Variants in ERBB4 observed in about 807,000 individuals in gnomAD.
ERBB4 encodes the protein receptor tyrosine-protein kinase erbB-4.
ERBB4 carries 42 observed loss-of-function variants against 158.0 expected under a neutral mutation model. The observed-to-expected ratio is 0.27, with a 90% confidence interval of 0.21 to 0.34. The LOEUF (loss-of-function observed/expected upper bound fraction) is 0.34, where lower values mean the gene tolerates loss of function less well. Among genes scored for constraint, ERBB4 ranks in the 10% least tolerant of loss-of-function variants. The pLI is 1.00. For missense variants in ERBB4, 1,333 were observed against 1,624.1 expected (o/e 0.82, Z 3.08); for synonymous variants, 583 against 558.7 (o/e 1.04, Z -0.61).
intron 20 of ERBB4, among the ~76,000 whole-genome samples, chr2:211,448,713 G>GTTTTA (rs1476666786): frequency 5.3e-5 from 8 of 152,000 alleles, no homozygotes; most frequent in African/African-American, 1.7e-4. Context: ...TTAAGATTAA[G>GTTTTA]CCCAAGAATA....
chr2:211,982,481 C>T (rs1264139388), intron 2 of ERBB4, among the ~76,000 whole-genome samples: 2 of 152,148 alleles, frequency 1.3e-5, no homozygotes, highest in African/African-American at 4.8e-5. Context: ...GTTTGGGAGT[C>T]AAATTCCAGA....
At chr2:211,867,956 A>G (rs2078250126) in intron 3 of ERBB4, among the ~76,000 whole-genome samples, 1 of 152,190 alleles carries the variant, frequency 6.6e-6, no homozygotes, top group Non-Finnish European at 1.5e-5. Flanking sequence ...CTTTTCAATG[A>G]AAAGCATCTT....
chr2:212,421,852 T>C (rs543836302), intron 1 of ERBB4, among the ~76,000 whole-genome samples: 1 of 152,294 alleles, frequency 6.6e-6, no homozygotes, highest in South Asian at 2.1e-4. Context: ...ATTCAACCAC[T>C]AAAGTGAATC....
intron 2 of ERBB4, among the ~76,000 whole-genome samples, chr2:211,962,228 A>T (rs1426137317): frequency 6.6e-6 from 1 of 151,312 alleles, no homozygotes; most frequent in Non-Finnish European, 1.5e-5. Context: ...AAGAAAAGAC[A>T]TAAAAATGTC....
intron 20 of ERBB4, among the ~76,000 whole-genome samples, chr2:211,554,710 C>T (rs2125708222): frequency 6.6e-6 from 1 of 152,284 alleles, no homozygotes; most frequent in East Asian, 1.9e-4. Context: ...AACCCAAGTG[C>T]AAATAAAGGT....
chr2:212,232,143 CTGT>C (rs1277074073), intron 1 of ERBB4, among the ~76,000 whole-genome samples: 3 of 151,942 alleles, frequency 2.0e-5, no homozygotes, highest in Non-Finnish European at 2.9e-5. Context: ...TTCTCAAGGG[CTGT>C]TATTATAATA....
chr2:212,294,223 G>GA (rs2086326545), intron 1 of ERBB4, among the ~76,000 whole-genome samples: 1 of 151,918 alleles, frequency 6.6e-6, no homozygotes, highest in Non-Finnish European at 1.5e-5. Context: ...CATTCCAATG[G>GA]AAAAACTATG....
chr2:212,334,289 T>C (rs1345033984), intron 1 of ERBB4, among the ~76,000 whole-genome samples: 1 of 152,050 alleles, frequency 6.6e-6, no homozygotes, highest in Non-Finnish European at 1.5e-5. Flanking sequence ...TCAATTTACT[T>C]ACAGGGAATA....
At chr2:211,667,144 C>T (rs1005208645) in intron 14 of ERBB4, among the ~76,000 whole-genome samples, 19 of 149,214 alleles carry the variant, frequency 1.3e-4, no homozygotes, top group Admixed American at 8.0e-4. Flanking sequence ...AGAAAGTTTA[C>T]GAATTTGTGG....
chr2:211,670,965 G>C (rs1311847129), intron 14 of ERBB4, among the ~76,000 whole-genome samples: 3 of 152,010 alleles, frequency 2.0e-5, no homozygotes, highest in South Asian at 4.2e-4. Flanking sequence ...TGCTACAGAT[G>C]GTAAGCGAAC....
At chr2:211,578,580 A>G (rs1294465796) in intron 19 of ERBB4, among the ~76,000 whole-genome samples, 1 of 152,236 alleles carries the variant, frequency 6.6e-6, no homozygotes, top group Non-Finnish European at 1.5e-5. Context: ...TAACCAAAAC[A>G]GTATAGTACT....
intron 2 of ERBB4, among the ~76,000 whole-genome samples, chr2:211,972,374 G>A (rs1447927707): frequency 4.6e-5 from 7 of 152,130 alleles, no homozygotes; most frequent in African/African-American, 1.4e-4. Flanking sequence ...AACTACCATT[G>A]ACATTCTTCA....
intron 2 of ERBB4, among the ~76,000 whole-genome samples, chr2:211,999,484 C>T (rs1305479785): frequency 6.6e-6 from 1 of 151,810 alleles, no homozygotes; most frequent in Non-Finnish European, 1.5e-5. Context: ...ATAGTTCAGA[C>T]TCTGGAGCTA....
intron 20 of ERBB4, among the ~76,000 whole-genome samples, chr2:211,466,365 A>G (rs1380712354): frequency 6.7e-6 from 1 of 148,244 alleles, no homozygotes; most frequent in East Asian, 2.0e-4. Context: ...AAAAAAAAGG[A>G]ACACATTCAA....
intron 2 of ERBB4, among the ~76,000 whole-genome samples, chr2:212,040,581 G>A (rs1200586846): frequency 6.6e-6 from 1 of 152,044 alleles, no homozygotes; most frequent in Admixed American, 6.6e-5. Context: ...GAGTAGTAGG[G>A]CATCACTATT....
chr2:212,140,795 A>G (rs2080437031), intron 1 of ERBB4, among the ~76,000 whole-genome samples: 1 of 151,322 alleles, frequency 6.6e-6, no homozygotes, highest in Non-Finnish European at 1.5e-5. Flanking sequence ...AAGTTGCTCT[A>G]TAAAGTTCAA....
intron 1 of ERBB4, among the ~76,000 whole-genome samples, chr2:212,147,290 T>G (rs1003112146): frequency 4.0e-5 from 6 of 149,300 alleles, no homozygotes; most frequent in African/African-American, 1.5e-4. Context: ...CAGGCGTGAG[T>G]CATGGTGCCC....
chr2:212,059,819 G>C (rs2077703713), intron 2 of ERBB4, among the ~76,000 whole-genome samples: 1 of 152,130 alleles, frequency 6.6e-6, no homozygotes, highest in Non-Finnish European at 1.5e-5. Context: ...TTAAACATTA[G>C]ATCTAAAACC....
At chr2:211,538,315 T>C (rs751100720) in intron 20 of ERBB4, among the ~76,000 whole-genome samples, 3 of 151,990 alleles carry the variant, frequency 2.0e-5, no homozygotes, top group East Asian at 3.9e-4. Flanking sequence ...TTCTATGTTA[T>C]ACACGAATTT....
Sources: allele counts gnomAD v4.1 joint callset (sites outside exome capture counted in the v4.1 genomes callset), GRCh38; gene constraint gnomAD v4.1.1; transcripts MANE v1.5; gene names NCBI Gene and HGNC (gene_info 2026-07-23, HGNC 2026-07-21).